CPNE4: variants seen among roughly 807,000 people sequenced by gnomAD.
The protein encoded by CPNE4 is copine-4.
A neutral mutation model predicts 67.9 loss-of-function variants in CPNE4; 25 were observed. The ratio of observed to expected loss-of-function variants is 0.37; its 90% CI spans 0.27 to 0.51. The LOEUF is 0.51. CPNE4 is among the 20% of genes least tolerant of loss of function. The pLI is 0.93. For synonymous variants in CPNE4, 242 were observed against 244.9 expected, an observed-to-expected ratio of 0.99 and a Z score of 0.11; for missense variants, 464 against 690.8, an observed-to-expected ratio of 0.67 and a Z score of 3.68.
chr3:131,683,378 G>A lies in CPNE4; in HGVS notation c.591+2497C>T, dbSNP rs558412358. Among the ~76,000 whole-genome samples the A allele has an allele frequency of 7.2e-5, 11 of 152,284 alleles. No homozygotes were observed. In the East Asian group the frequency reaches 9.7e-4, roughly 13 times the overall value. On this transcript the variant is annotated intron_variant, in intron 6 of 15. Coordinates refer to ENST00000429747, the MANE Select transcript of CPNE4 (RefSeq NM_130808.3). ...ATGGATCCTGCTTCCCTTCAAGGCA[G>A]TAGGCTTCCTTTTGGCCCAGGGTTT...
intron 2 of CPNE4, among the ~76,000 whole-genome samples, chr3:131,821,573 G>A (rs2084960844): frequency 6.6e-6 from 1 of 152,182 alleles, no homozygotes; most frequent in Admixed American, 6.5e-5. Flanking sequence ...AGGACAGAAA[G>A]GGTGTGGTGT....
chr3:131,876,240 AAATAAATAAAT>A (rs1560519673), intron 2 of CPNE4, among the ~76,000 whole-genome samples: 7 of 24,528 alleles, frequency 2.9e-4, no homozygotes, highest in Non-Finnish European at 5.4e-4. Flanking sequence ...CTCGGTCTCA[AAATAAATAAAT>A]AAATAAATAA....
intron 15 of CPNE4, 67 bp downstream of exon 15, chr3:131,542,490 A>T (rs2107630071): frequency 4.8e-6 from 5 of 1,038,756 alleles, no homozygotes; most frequent in Non-Finnish European, 6.1e-6. Context: ...TGGTGGACAA[A>T]TGTGGGAGGT....
rs1936421554 is a variant in CPNE4 at position 131,555,659 on chromosome 3, A to G, written c.1062-108T>C. ...TACTAGGTTGCTAGGCCATGTTGCT[A>G]TGCCAGTGCTGACTCATGCTTCTTG... On this transcript the variant is annotated intron_variant, in intron 11 of 15. Coordinates refer to ENST00000429747, the MANE Select transcript of CPNE4 (RefSeq NM_130808.3). 4 of 878,398 alleles carry G rather than the reference A, an allele frequency of 4.6e-6. No homozygotes were observed. In the African/African-American group the frequency reaches 5.0e-5, roughly 11 times the overall value. The allele number at this position is 878,398 out of a possible 1,614,324, so 54.4% of individuals were successfully genotyped here.
chr3:131,880,809 G>GATA (rs1187167807), intron 2 of CPNE4, among the ~76,000 whole-genome samples: 2 of 152,222 alleles, frequency 1.3e-5, no homozygotes, highest in African/African-American at 4.8e-5. Context: ...CCATTCTTTA[G>GATA]ATAAGAGAGC....
chr3:131,802,097 T>C (rs921749718), intron 2 of CPNE4, among the ~76,000 whole-genome samples: 4 of 152,062 alleles, frequency 2.6e-5, no homozygotes, highest in Non-Finnish European at 4.4e-5. Context: ...AGAAGGACTT[T>C]GGTGAGAATC....
intron 3 of CPNE4, among the ~76,000 whole-genome samples, 171 bp downstream of exon 3, chr3:131,723,275 T>C (rs2081930697): frequency 6.6e-6 from 1 of 152,162 alleles, no homozygotes; most frequent in Non-Finnish European, 1.5e-5. Flanking sequence ...GAATCATCTC[T>C]ACATAAACAT....
At chr3:131,780,807 C>T (rs547946949) in intron 2 of CPNE4, among the ~76,000 whole-genome samples, 1 of 152,044 alleles carries the variant, frequency 6.6e-6, no homozygotes, top group African/African-American at 2.4e-5. Flanking sequence ...TGTAACAAAC[C>T]TGCACACGTA....
At chr3:131,725,058 G>T (rs2081971392) in intron 2 of CPNE4, among the ~76,000 whole-genome samples, 1 of 152,126 alleles carries the variant, frequency 6.6e-6, no homozygotes, top group South Asian at 2.1e-4. Flanking sequence ...ATAGAAATAT[G>T]GTTTATTGGA....
intron 1 of CPNE4, among the ~76,000 whole-genome samples, chr3:132,026,935 G>A (rs560686891): frequency 7.2e-5 from 11 of 152,314 alleles, no homozygotes; most frequent in East Asian, 3.9e-4. Flanking sequence ...CAGAGCCAGC[G>A]TTCAAACTAA....
At chr3:131,548,771 A>T (rs1477279644) in intron 14 of CPNE4, among the ~76,000 whole-genome samples, 1 of 152,180 alleles carries the variant, frequency 6.6e-6, no homozygotes, top group African/African-American at 2.4e-5. Context: ...ATGTCTTCTA[A>T]GCCATATCAG....
chr3:131,998,560 T>C (rs1489720481), intron 1 of CPNE4, among the ~76,000 whole-genome samples: 1 of 152,134 alleles, frequency 6.6e-6, no homozygotes, highest in East Asian at 1.9e-4. Flanking sequence ...TTTGAGGAAT[T>C]GGATTAACTG....
intron 2 of CPNE4, among the ~76,000 whole-genome samples, chr3:131,877,178 T>C (rs569184554): frequency 5.4e-4 from 82 of 152,188 alleles, no homozygotes; most frequent in African/African-American, 1.9e-3. Flanking sequence ...TGAGCAGTGT[T>C]GTAGGGACAA....
chr3:131,757,692 C>T (rs1043632748), intron 2 of CPNE4, among the ~76,000 whole-genome samples: 2 of 152,194 alleles, frequency 1.3e-5, no homozygotes, highest in Admixed American at 6.5e-5. Context: ...TGTCTCCAGG[C>T]CATGTTAGAG....
intron 2 of CPNE4, among the ~76,000 whole-genome samples, chr3:131,821,432 G>A (rs2084955689): frequency 6.6e-6 from 1 of 152,216 alleles, no homozygotes. Context: ...GACAGATGCT[G>A]TCCCTTCTGC....
At chr3:131,695,148 G>A (rs2081121789) in intron 5 of CPNE4, among the ~76,000 whole-genome samples, 1 of 152,152 alleles carries the variant, frequency 6.6e-6, no homozygotes, top group Non-Finnish European at 1.5e-5. Context: ...AGTCCAAACT[G>A]GAGCAAAGGC....
intron 2 of CPNE4, among the ~76,000 whole-genome samples, chr3:131,849,412 G>A (rs1560459798): frequency 6.6e-6 from 1 of 152,122 alleles, no homozygotes; most frequent in Non-Finnish European, 1.5e-5. Flanking sequence ...GAGGGAAACA[G>A]GAATGTTTTA....
chr3:131,645,393 C>A (rs998583060), intron 7 of CPNE4, among the ~76,000 whole-genome samples: 2 of 152,114 alleles, frequency 1.3e-5, no homozygotes, highest in Non-Finnish European at 2.9e-5. Context: ...AACAAAACAT[C>A]TTAATTATCT....
At chr3:131,649,569 C>A (rs1230938060) in intron 7 of CPNE4, among the ~76,000 whole-genome samples, 1 of 152,162 alleles carries the variant, frequency 6.6e-6, no homozygotes, top group Non-Finnish European at 1.5e-5. Flanking sequence ...TCCAGGCTGA[C>A]GTTCAAGTCT....
Sources: gnomAD v4.1 joint callset for allele counts (sites outside exome capture counted in the v4.1 genomes callset) on GRCh38, gnomAD v4.1.1 for gene constraint, MANE v1.5 for transcripts, NCBI Gene and HGNC (gene_info 2026-07-23, HGNC 2026-07-21) for gene names.